The following ZNF521 variants were observed in gnomAD, a reference collection of about 807,000 sequenced individuals.
ZNF521 encodes LYST-interacting protein 3.
Under a neutral mutation model 105.5 loss-of-function variants are expected in ZNF521, and 14 were observed. The ratio of observed to expected loss-of-function variants is 0.13; its 90% CI spans 0.09 to 0.21. The LOEUF is 0.21. Ranked by LOEUF, ZNF521 falls within the 10% of genes least tolerant of loss-of-function variation. ZNF521 has a pLI of 1.00. For synonymous variants in ZNF521, 635 were observed against 606.0 expected (o/e 1.05, Z -0.70); for missense variants, 1,233 against 1,629.7 (o/e 0.76, Z 4.19).
intron 6 of ZNF521, among the ~76,000 whole-genome samples, chr18:25,091,369 A>T (rs4455049): frequency 6.6e-6 from 1 of 152,018 alleles, no homozygotes; most frequent in Non-Finnish European, 1.5e-5. Context: ...ATGCTATCGT[A>T]TCTGTTAAAA....
chr18:25,275,818 T>A (rs1234501986), intron 3 of ZNF521, among the ~76,000 whole-genome samples: 1 of 152,108 alleles, frequency 6.6e-6, no homozygotes, highest in African/African-American at 2.4e-5. Context: ...TGACCCTTTT[T>A]GCAGCTGTGC....
At chr18:25,325,321 A>C (rs1913155942) in intron 2 of ZNF521, among the ~76,000 whole-genome samples, 1 of 152,210 alleles carries the variant, frequency 6.6e-6, no homozygotes, top group Non-Finnish European at 1.5e-5. Context: ...GCTACACTTC[A>C]ATAATTGCAC....
At chr18:25,075,814 T>C (rs968835272) in intron 7 of ZNF521, among the ~76,000 whole-genome samples, 5 of 152,198 alleles carry the variant, frequency 3.3e-5, no homozygotes, top group East Asian at 3.8e-4. Context: ...CTAAAACATA[T>C]GCTTTAAAGG....
At chr18:25,282,084 T>C (rs11660508) in intron 3 of ZNF521, among the ~76,000 whole-genome samples, 10,518 of 152,232 alleles carry the variant, frequency 0.069, 466 homozygotes, top group Non-Finnish European at 0.087. Context: ...TTTATAATTA[T>C]AGGAAAATTC....
chr18:25,147,757 C>A (rs1036037652), intron 5 of ZNF521, among the ~76,000 whole-genome samples: 19 of 152,258 alleles, frequency 1.2e-4, no homozygotes, highest in South Asian at 8.3e-4. Context: ...TACATCAATG[C>A]CAAATTAAAA....
intron 3 of ZNF521, among the ~76,000 whole-genome samples, chr18:25,240,636 T>C (rs1038993104): frequency 1.3e-5 from 2 of 152,118 alleles, no homozygotes; most frequent in Non-Finnish European, 2.9e-5. Flanking sequence ...GATCTTCTGT[T>C]ACAAACTCAG....
intron 3 of ZNF521, among the ~76,000 whole-genome samples, chr18:25,296,232 C>T (rs1911311923): frequency 6.6e-6 from 1 of 152,090 alleles, no homozygotes; most frequent in African/African-American, 2.4e-5. Flanking sequence ...GAAAATATCC[C>T]ACTTGATAGG....
At chr18:25,070,326 T>C (rs1379968327) in intron 7 of ZNF521, among the ~76,000 whole-genome samples, 4 of 152,190 alleles carry the variant, frequency 2.6e-5, no homozygotes, top group Admixed American at 2.6e-4. Flanking sequence ...TTGTGCTAAC[T>C]ACGTCCAGAA....
intron 5 of ZNF521, among the ~76,000 whole-genome samples, chr18:25,145,379 C>A (rs1243207207): frequency 6.6e-6 from 1 of 152,036 alleles, no homozygotes; most frequent in African/African-American, 2.4e-5. Flanking sequence ...AATAACTTAA[C>A]CTCCTAGGCC....
rs1906283322 is a variant in ZNF521, at chr18:25,227,935, A to ATT, written c.221-239_221-238insAA. ...GAGGATATTAAATAGTTCTATGTCT[A>ATT]AATTACCCTTTTATTACTTTTTATC... is the stretch of plus-strand genomic sequence containing the variant. On this transcript the variant is annotated intron_variant, in intron 3 of 7. Transcript: ENST00000361524. This position sits in a 1 kb window ranked among gnomAD's most constrained non-coding sequence, Gnocchi z 5.7. 6.6e-6 allele frequency among the ~76,000 whole-genome samples: 1 copy of ATT among 152,242 alleles called. No homozygotes were observed. The highest frequency in any genetic ancestry group is 1.5e-5 in the Non-Finnish European group (1 of 68,038).
intron 3 of ZNF521, among the ~76,000 whole-genome samples, chr18:25,235,696 A>G (rs1906840960): frequency 6.6e-6 from 1 of 152,196 alleles, no homozygotes; most frequent in South Asian, 2.1e-4. Context: ...GCCGAATTTC[A>G]CCTGTATTAT....
chr18:25,293,344 GTA>G (rs1491466957), intron 3 of ZNF521, among the ~76,000 whole-genome samples: 6 of 117,260 alleles, frequency 5.1e-5, no homozygotes, highest in Non-Finnish European at 8.4e-5. Flanking sequence ...GCTTGCACAT[GTA>G]CACATACACA....
At chr18:25,280,929 T>C (rs1346902013) in intron 3 of ZNF521, among the ~76,000 whole-genome samples, 2 of 152,164 alleles carry the variant, frequency 1.3e-5, no homozygotes, top group African/African-American at 4.8e-5. Flanking sequence ...CTAAATACTG[T>C]CTCACTCTCT....
chr18:25,210,439 G>T (rs1173389663), intron 4 of ZNF521, among the ~76,000 whole-genome samples: 1 of 152,124 alleles, frequency 6.6e-6, no homozygotes, highest in South Asian at 2.1e-4. Flanking sequence ...TCAGTTAAAG[G>T]TTTGCTTATG....
chr18:25,303,651 T>C (rs951354327), intron 3 of ZNF521, among the ~76,000 whole-genome samples: 13 of 152,142 alleles, frequency 8.5e-5, no homozygotes, highest in African/African-American at 3.1e-4. Context: ...TCCTATTATA[T>C]ATAATTATTT....
intron 3 of ZNF521, among the ~76,000 whole-genome samples, chr18:25,279,113 C>T (rs1367030384): frequency 1.3e-5 from 2 of 152,058 alleles, no homozygotes; most frequent in African/African-American, 4.8e-5. Context: ...ATCAAAATGT[C>T]CCAGAAAAGG....
At chr18:25,313,479 G>C (rs899206394) in intron 3 of ZNF521, among the ~76,000 whole-genome samples, 1 of 152,138 alleles carries the variant, frequency 6.6e-6, no homozygotes, top group African/African-American at 2.4e-5. Flanking sequence ...CGTTTCATCA[G>C]AGCTGACTGA....
rs140366905 is a variant in ZNF521 at position 25,173,841 on chromosome 18, A to G, written c.3658+21319T>C. ...TGGAAATATTTTGTCAGATTATTAA[A>G]CCAATTTTCAAATCTAACTCAATAA... On this transcript the variant is annotated intron_variant, in intron 5 of 7. Transcript: ENST00000361524. 4.8e-3 allele frequency among the ~76,000 whole-genome samples: 734 copies of G among 152,288 alleles called. 6 individuals carry two copies. Among genetic ancestry groups the G allele is most frequent in the African/African-American group, 0.017 (705 of 41,554 alleles).
At chr18:25,293,386 A>ACACACACACACAC (rs1568060796) in intron 3 of ZNF521, among the ~76,000 whole-genome samples, 7 of 151,398 alleles carry the variant, frequency 4.6e-5, no homozygotes, top group African/African-American at 1.5e-4. Flanking sequence ...ACACACACAC[A>ACACACACACACAC]AATTCCTTAA....
Sources: gnomAD v4.1 joint callset for allele counts (sites outside exome capture counted in the v4.1 genomes callset) on GRCh38, gnomAD v4.1.1 for gene constraint, Gnocchi (gnomAD v3.1) non-coding constraint, MANE v1.5 for transcripts, NCBI Gene and HGNC (gene_info 2026-07-23, HGNC 2026-07-21) for gene names.